KIF1B: variants seen among roughly 807,000 people sequenced by gnomAD.
KIF1B encodes kinesin family member 1B, also known as kinesin-like protein KIF1B.
KIF1B carries 76 observed loss-of-function variants against 241.9 expected under a neutral mutation model. That is an observed-to-expected ratio of 0.31 (90% CI 0.26 to 0.38). The LOEUF is 0.38. KIF1B is among the 10% of genes least tolerant of loss of function. The probability of loss-of-function intolerance (pLI) is 1.00; values close to 1 mark genes in which losing one functional copy is unlikely to be tolerated. For missense variants in KIF1B, 1,622 were observed against 2,271.4 expected, an observed-to-expected ratio of 0.71 and a Z score of 5.81; for synonymous variants, 750 against 796.7, an observed-to-expected ratio of 0.94 and a Z score of 0.99.
At chr1:10,286,192 A>G (rs1649706189) in intron 15 of KIF1B, among the ~76,000 whole-genome samples, 1 of 152,226 alleles carries the variant, frequency 6.6e-6, no homozygotes, top group African/African-American at 2.4e-5. Flanking sequence ...GGCATGTACC[A>G]CCACATCTGG....
Position 10,351,036 on chromosome 1 carries a change from C to A in KIF1B, c.3950-1595C>A, listed in dbSNP as rs1057321462. Among the ~76,000 whole-genome samples the A allele has an allele frequency of 3.6e-5, 5 of 137,326 alleles. No homozygotes were observed. The Admixed American group carries it at 4.0e-4, about 11-fold the overall frequency. The allele number at this position is 137,326 out of a possible 152,430, so 90.1% of individuals were successfully genotyped here. A position where few individuals can be genotyped will look rare whatever the true frequency, so the allele number is the denominator to read the frequency against. ...CTGAGAAGTCGAGGCTGCAGTGAAC[C>A]ATGATCATGCCACTGCATGACAGAA... On this transcript the variant is annotated intron_variant, in intron 37 of 48. Transcript: ENST00000676179.
intron 44 of KIF1B, among the ~76,000 whole-genome samples, chr1:10,369,929 C>T (rs1295078309): frequency 6.7e-6 from 1 of 150,274 alleles, no homozygotes; most frequent in Non-Finnish European, 1.5e-5. Flanking sequence ...TGAAACTCCG[C>T]CTCAAAAAGA....
chr1:10,275,888 G>A (rs1021308889), intron 11 of KIF1B, among the ~76,000 whole-genome samples: 3 of 149,818 alleles, frequency 2.0e-5, no homozygotes, highest in African/African-American at 7.4e-5. Flanking sequence ...TCAAATCACT[G>A]TTCTTCATTC....
chr1:10,371,172 CCT>C lies in KIF1B; in HGVS notation c.4859_4860del (p.Ser1620Ter). 1 of 1,614,108 alleles carries C rather than the reference CCT, an allele frequency of 6.2e-7. No individual in the cohort carries two copies. Among genetic ancestry groups the C allele is most frequent in the Non-Finnish European group, 8.5e-7 (1 of 1,180,002 alleles). The stretch of plus-strand genomic sequence containing the variant: ...GATATCTCTCCAATTGGACGGGATC[CCT>C]CTGAGTCCAGTTTCAGCAGTGCCAC... On this transcript the variant is annotated frameshift_variant, in exon 45 of 49. Transcript: ENST00000676179. LOFTEE classifies it high-confidence loss of function.
At chr1:10,285,263 G>C (rs1649630343) in intron 15 of KIF1B, among the ~76,000 whole-genome samples, 2 of 152,154 alleles carry the variant, frequency 1.3e-5, no homozygotes, top group South Asian at 4.1e-4. Context: ...TAAAGCCTTA[G>C]CTCTTACACT....
chr1:10,327,104 C>T (rs959242461), intron 27 of KIF1B, among the ~76,000 whole-genome samples: 17 of 152,264 alleles, frequency 1.1e-4, no homozygotes, highest in Non-Finnish European at 2.9e-5. Context: ...AGCACTTTGG[C>T]TCACACCTGT....
intron 5 of KIF1B, among the ~76,000 whole-genome samples, chr1:10,262,872 T>TCAA (rs1172125106): frequency 6.6e-6 from 1 of 152,232 alleles, no homozygotes; most frequent in African/African-American, 2.4e-5. Context: ...TTCCCACTTT[T>TCAA]TTAATTGCTT....
intron 22 of KIF1B, among the ~76,000 whole-genome samples, chr1:10,302,319 G>A (rs552732368): frequency 2.9e-4 from 44 of 152,042 alleles, no homozygotes; most frequent in Non-Finnish European, 4.4e-4. Flanking sequence ...TAAAAAAAAA[G>A]CTTTCTTGTT....
chr1:10,355,517 A>G (rs1652944674), intron 38 of KIF1B: 1 of 152,612 alleles, frequency 6.6e-6, no homozygotes, highest in African/African-American at 2.4e-5. Flanking sequence ...TGTACCTAGG[A>G]TAGAGTAGAC....
Position 10,378,386 on chromosome 1 carries a change from C to CT in KIF1B, c.*1802dup, listed in dbSNP as rs1236816554. The stretch of plus-strand genomic sequence containing the variant: ...ATCATCAGAGAAGATAAGTCTGTCT[C>CT]TTTCAGCTGCCAGTAAGTTTTCCAG... On this transcript the variant is annotated 3_prime_UTR_variant, in exon 49 of 49. Transcript: ENST00000676179. 1 of 717,960 alleles carries CT rather than the reference C, an allele frequency of 1.4e-6. No homozygotes were observed. The highest frequency in any genetic ancestry group is 2.6e-6 in the Non-Finnish European group (1 of 385,196). The allele number at this position is 717,960 out of a possible 1,614,324, so 44.5% of individuals were successfully genotyped here. A position where few individuals can be genotyped will look rare whatever the true frequency, so the allele number is the denominator to read the frequency against.
intron 2 of KIF1B, among the ~76,000 whole-genome samples, chr1:10,248,112 C>T (rs190968937): frequency 4.7e-4 from 71 of 152,262 alleles, no homozygotes; most frequent in Non-Finnish European, 8.8e-4. Flanking sequence ...TCTACTTCAT[C>T]GGTAAAATCT....
At chr1:10,228,526 G>T (rs1646939688) in intron 1 of KIF1B, among the ~76,000 whole-genome samples, 1 of 152,182 alleles carries the variant, frequency 6.6e-6, no homozygotes, top group African/African-American at 2.4e-5. Flanking sequence ...GTTAAGCAGT[G>T]GTTTAAAGCA....
intron 35 of KIF1B, among the ~76,000 whole-genome samples, chr1:10,347,280 G>C (rs1652622940): frequency 6.6e-6 from 1 of 152,160 alleles, no homozygotes; most frequent in Admixed American, 6.5e-5. Flanking sequence ...ACTATGTGTA[G>C]GATACTGTGT....
chr1:10,273,113 G>T, intron 10 of KIF1B, 82 bp downstream of exon 10: 1 of 1,006,292 alleles, frequency 9.9e-7, no homozygotes, highest in Non-Finnish European at 1.5e-6. Flanking sequence ...GGCATAAGTA[G>T]GAATGGAACC....
At chr1:10,274,269 G>A (rs964286367) in intron 10 of KIF1B, among the ~76,000 whole-genome samples, 5 of 152,002 alleles carry the variant, frequency 3.3e-5, no homozygotes, top group Admixed American at 2.0e-4. Context: ...GTGTCACAAC[G>A]CAGTAGTCAG....
At chr1:10,291,905 A>G in intron 16 of KIF1B, 142 bp from the exon 17 acceptor site, 1 of 702,836 alleles carries the variant, frequency 1.4e-6, no homozygotes. Context: ...TGATGAGATA[A>G]GCACATTATT....
chr1:10,365,570 C>T lies in KIF1B; in HGVS notation c.4674C>T (p.Ile1558=), dbSNP rs1281144136. ...CAACCACTACCTTTGAAAGCGCCAT[C>T]ACACCTAGCGAGAGCAGTGGCTATG... The part of the protein sequence containing the change: ...QISTTTFESA[I]TPSESSGYDS... Residue 1558 remains isoleucine (I), a synonymous_variant, in exon 43 of 49, where the codon ATC becomes ATT. Coordinates refer to ENST00000676179, the MANE Select transcript of KIF1B (RefSeq NM_001365951.3). The surrounding 1 kb of genome is among the most constrained non-coding windows in gnomAD (Gnocchi z 4.0). 1 of 1,614,126 alleles carries T rather than the reference C, an allele frequency of 6.2e-7. No individual in the cohort carries two copies. The highest frequency in any genetic ancestry group is 8.5e-7 in the Non-Finnish European group (1 of 1,180,026).
intron 25 of KIF1B, 128 bp downstream of exon 25, chr1:10,324,190 T>A: frequency 1.1e-6 from 1 of 913,040 alleles, no homozygotes; most frequent in Non-Finnish European, 1.8e-6. Flanking sequence ...TTCTAAATGC[T>A]GTTGTTGGCC....
At chr1:10,215,417 C>A (rs961182386) in intron 1 of KIF1B, among the ~76,000 whole-genome samples, 1 of 151,696 alleles carries the variant, frequency 6.6e-6, no homozygotes, top group African/African-American at 2.4e-5. Flanking sequence ...CTCAGGTGAT[C>A]CACCCACCTT....
Sources: gnomAD v4.1 joint callset for allele counts (sites outside exome capture counted in the v4.1 genomes callset) on GRCh38, gnomAD v4.1.1 for gene constraint, Gnocchi (gnomAD v3.1) non-coding constraint, MANE v1.5 for transcripts, NCBI Gene and HGNC (gene_info 2026-07-23, HGNC 2026-07-21) for gene names.